The following RANBP17 variants were observed in gnomAD, a reference collection of about 807,000 sequenced individuals.
RANBP17 encodes ran-binding protein 17.
A neutral mutation model predicts 141.2 loss-of-function variants in RANBP17; 158 were observed. The observed-to-expected ratio is 1.12, with a 90% CI of 0.98 to 1.28. The LOEUF (loss-of-function observed/expected upper bound fraction) is 1.28, where lower values mean the gene tolerates loss of function less well. Among genes scored for constraint, RANBP17 ranks in the 50% most tolerant of loss-of-function variants. The pLI, the probability that RANBP17 is intolerant of heterozygous loss-of-function variation, is 0.00. For missense variants in RANBP17, 1,438 were observed against 1,290.7 expected (o/e 1.11, Z -1.75); for synonymous variants, 430 against 450.0 (o/e 0.96, Z 0.56).
rs187340874 is a variant in RANBP17, at chr5:171,283,019, C to G, written c.2944-10864C>G. 5.2e-3 allele frequency among the ~76,000 whole-genome samples: 795 copies of G among 152,188 alleles called. 5 individuals are homozygous for G. Among genetic ancestry groups the G allele is most frequent in the African/African-American group, 0.018 (758 of 41,538 alleles). On this transcript the variant is annotated intron_variant, in intron 25 of 27. Coordinates refer to ENST00000523189, the MANE Select transcript of RANBP17 (RefSeq NM_022897.5). ...TCCCACAGAACTGCTCCTCATTCCC[C>G]CAGACTCCTCTCCAAACCTTTGCAC...
Position 171,171,209 on chromosome 5 carries a change from T to G in RANBP17, c.1788T>G (p.Val596=). ...HVLETFMTKI[V]TNLKYWGRYE... is the part of the protein sequence containing the mutation. ...AAAGACTTTTTTTCATATTTAGTGTTACAAACCTTAAATACTGGGGAAGAT... is the reference window on the plus strand; with the variant it reads ...AAAGACTTTTTTTCATATTTAGTGTGACAAACCTTAAATACTGGGGAAGAT... Residue 596 remains valine, a synonymous_variant, in exon 16 of 28, where the codon GTT becomes GTG. Transcript: ENST00000523189. 1 of 1,566,274 alleles carries G rather than the reference T, an allele frequency of 6.4e-7. No individual in the cohort carries two copies. The highest frequency in any genetic ancestry group is 8.7e-7 in the Non-Finnish European group (1 of 1,146,188).
intron 15 of RANBP17, among the ~76,000 whole-genome samples, chr5:171,170,819 G>T (rs1760047458): frequency 1.3e-5 from 2 of 152,092 alleles, no homozygotes; most frequent in South Asian, 4.1e-4. Flanking sequence ...ATCATAAGAA[G>T]TGAGTTTTGG....
chr5:170,966,320 T>C lies in RANBP17; in HGVS notation c.1575-1922T>C, dbSNP rs1405019569. ...TAAAATACTGGCAAACGAAATCCAG[T>C]ACCACATCAAAAAGCTTATCCACCA... On this transcript the variant is annotated intron_variant, in intron 13 of 27. Coordinates refer to ENST00000523189, the MANE Select transcript of RANBP17 (RefSeq NM_022897.5). Among the ~76,000 whole-genome samples the C allele has an allele frequency of 3.1e-3, 465 of 152,072 alleles. 2 individuals carry two copies. The highest frequency in any genetic ancestry group is 5.7e-3 in the Non-Finnish European group (387 of 67,954).
intron 14 of RANBP17, among the ~76,000 whole-genome samples, chr5:171,160,722 T>C (rs1759287979): frequency 6.6e-6 from 1 of 152,244 alleles, no homozygotes; most frequent in African/African-American, 2.4e-5. Flanking sequence ...CTTTGCCTGC[T>C]TAAGTCATTA....
chr5:171,195,431 T>A (rs1161717517), intron 18 of RANBP17, among the ~76,000 whole-genome samples: 1 of 152,226 alleles, frequency 6.6e-6, no homozygotes, highest in Non-Finnish European at 1.5e-5. Flanking sequence ...TATCCAGTTC[T>A]CCAGCTTTGG....
At chr5:171,231,379 T>C (rs1764200911) in intron 22 of RANBP17, among the ~76,000 whole-genome samples, 1 of 152,182 alleles carries the variant, frequency 6.6e-6, no homozygotes, top group Non-Finnish European at 1.5e-5. Context: ...CAAAGAAAAG[T>C]ATACCAGTTC....
intron 14 of RANBP17, among the ~76,000 whole-genome samples, chr5:171,049,412 G>A (rs59218389): frequency 0.13 from 20,142 of 152,112 alleles, 3,881 homozygotes; most frequent in African/African-American, 0.42. Flanking sequence ...CTCCCATTCT[G>A]TAGGTTGTCT....
chr5:171,155,094 A>AAAAAAAAAAAAAATAT (rs34090443), intron 14 of RANBP17, among the ~76,000 whole-genome samples: 2 of 74,988 alleles, frequency 2.7e-5, no homozygotes, highest in Non-Finnish European at 4.9e-5. Context: ...AAAAAAAAAA[A>AAAAAAAAAAAAAATAT]ATATATATAT....
At chr5:171,184,307 A>G (rs1382375490) in intron 18 of RANBP17, among the ~76,000 whole-genome samples, 1 of 152,214 alleles carries the variant, frequency 6.6e-6, no homozygotes, top group Non-Finnish European at 1.5e-5. Flanking sequence ...AGCCATAAAA[A>G]AGGAAAAATG....
intron 25 of RANBP17, among the ~76,000 whole-genome samples, chr5:171,267,537 G>C (rs1162217004): frequency 7.2e-5 from 11 of 152,306 alleles, no homozygotes; most frequent in Non-Finnish European, 2.9e-5. Context: ...GCCGGGCGCA[G>C]TGACTCACGC....
intron 14 of RANBP17, among the ~76,000 whole-genome samples, chr5:170,975,198 A>T (rs1002479630): frequency 6.6e-6 from 1 of 152,174 alleles, no homozygotes; most frequent in African/African-American, 2.4e-5. Context: ...ATTATTATAA[A>T]CATTCAAGGG....
At chr5:171,195,601 C>T (rs1761932322) in intron 18 of RANBP17, among the ~76,000 whole-genome samples, 1 of 152,216 alleles carries the variant, frequency 6.6e-6, no homozygotes, top group Admixed American at 6.5e-5. Flanking sequence ...GGCTGATCTT[C>T]ACTCTCTTCT....
intron 14 of RANBP17, among the ~76,000 whole-genome samples, chr5:171,037,922 A>G (rs974540476): frequency 6.6e-6 from 1 of 152,032 alleles, no homozygotes; most frequent in African/African-American, 2.4e-5. Flanking sequence ...TCTGTTCTGT[A>G]TGAATTTTAG....
intron 14 of RANBP17, among the ~76,000 whole-genome samples, chr5:171,064,585 C>A (rs1784175538): frequency 6.6e-6 from 1 of 152,164 alleles, no homozygotes; most frequent in African/African-American, 2.4e-5. Flanking sequence ...CAACCTTCTC[C>A]TTCCAGGCTC....
At chr5:171,235,944 A>T (rs1482883501) in intron 22 of RANBP17, among the ~76,000 whole-genome samples, 3 of 152,214 alleles carry the variant, frequency 2.0e-5, no homozygotes, top group African/African-American at 7.2e-5. Flanking sequence ...TAGAATAGTT[A>T]TACTAATTTT....
chr5:171,157,716 CT>C (rs1422243292), intron 14 of RANBP17, among the ~76,000 whole-genome samples: 1 of 152,158 alleles, frequency 6.6e-6, no homozygotes, highest in Non-Finnish European at 1.5e-5. Flanking sequence ...GAGCTATGAC[CT>C]TTTATGATGA....
At chr5:171,295,795 G>T in intron 26 of RANBP17, 92 bp from the exon 27 acceptor site, 1 of 1,403,514 alleles carries the variant, frequency 7.1e-7, no homozygotes, top group South Asian at 1.3e-5. Flanking sequence ...AGTGAGCCCT[G>T]AGTAGATGAG....
chr5:171,290,307 G>A lies in RANBP17; in HGVS notation c.2944-3576G>A, dbSNP rs376748242. ...TCACTTGAACCCGGGAGGCGGAGGT[G>A]CAGTGAGCTGAGATTGTGCTATTGC... On this transcript the variant is annotated intron_variant, in intron 25 of 27. Coordinates refer to ENST00000523189, the MANE Select transcript of RANBP17 (RefSeq NM_022897.5). 3.3e-5 allele frequency among the ~76,000 whole-genome samples: 5 copies of A among 151,904 alleles called. No individual in the cohort carries two copies. In the East Asian group the frequency reaches 9.7e-4, roughly 29 times the overall value.
At chr5:171,157,448 T>C (rs996551212) in intron 14 of RANBP17, among the ~76,000 whole-genome samples, 1 of 152,310 alleles carries the variant, frequency 6.6e-6, no homozygotes, top group African/African-American at 2.4e-5. Context: ...GATTGCCAAA[T>C]AAGGTACTGT....
Sources: allele counts gnomAD v4.1 joint callset (sites outside exome capture counted in the v4.1 genomes callset), GRCh38; gene constraint gnomAD v4.1.1; transcripts MANE v1.5; gene names NCBI Gene and HGNC (gene_info 2026-07-23, HGNC 2026-07-21).